The following MYO15A variants were observed in gnomAD, a reference collection of about 807,000 sequenced individuals.
MYO15A encodes unconventional myosin-XV.
Under a neutral mutation model 394.6 loss-of-function variants are expected in MYO15A, and 308 were observed. That is an observed-to-expected ratio of 0.78 (90% CI 0.71 to 0.86). The LOEUF is 0.86. Ranked by LOEUF, MYO15A falls within the 40% of genes least tolerant of loss-of-function variation. The pLI is 0.00. For synonymous variants in MYO15A, 1,957 were observed against 2,003.8 expected, an observed-to-expected ratio of 0.98 and a Z score of 0.62; for missense variants, 4,606 against 4,799.1, an observed-to-expected ratio of 0.96 and a Z score of 1.19.
Position 18,122,130 on chromosome 17 carries a change from C to T in MYO15A, c.3330C>T (p.Ala1110=). The T allele has an allele frequency of 6.2e-7, 1 of 1,613,012 alleles. No individual in the cohort carries two copies. The highest frequency in any genetic ancestry group is 8.5e-7 in the Non-Finnish European group (1 of 1,180,014). ...AGGGGGGTGAACGGCGCCAGGCAGC[C>T]CCTGGGCGTTTTGCTGTGGTCATGC... ...LPKGGERRQA[A]PGRFAVVMPR... Residue 1110 remains alanine, a synonymous_variant, in exon 2 of 66, where the codon GCC becomes GCT. Coordinates refer to ENST00000647165, the MANE Select transcript of MYO15A (RefSeq NM_016239.4).
Position 18,159,941 on chromosome 17 carries a change from G to A in MYO15A, c.9310G>A (p.Gly3104Arg), listed in dbSNP as rs781537466. The A allele has an allele frequency of 2.5e-5, 41 of 1,613,934 alleles. No homozygotes were observed. Among genetic ancestry groups the A allele is most frequent in the Admixed American group, 1.8e-4 (11 of 59,988 alleles). The change falls in exon 56 of 66, where the codon GGG (glycine) becomes AGG (arginine). Residue 3104 changes from glycine to arginine, a missense_variant. Gly to Arg is a moderately radical substitution (Grantham distance 125). Coordinates refer to ENST00000647165, the MANE Select transcript of MYO15A (RefSeq NM_016239.4). The part of the protein sequence containing the change: ...DVLCNLLKLC[G>R]DHEVMRDECY... ...CCTCCCTGCCCCCCTTCAGCTGTGC[G>A]GGGACCATGAGGTCATGCGGGATGA...
intron 12 of MYO15A, among the ~76,000 whole-genome samples, chr17:18,134,929 G>A (rs2046236317): frequency 6.6e-6 from 1 of 151,728 alleles, no homozygotes; most frequent in African/African-American, 2.4e-5. Flanking sequence ...GGCTCAGGCT[G>A]GAGTACAGTG....
At position 18,118,690 on chromosome 17, in the gene MYO15A, C is replaced by T. The variant is rs892121690; in HGVS notation, c.-111C>T. The T allele has an allele frequency of 4.5e-6, 7 of 1,554,114 alleles. No individual in the cohort carries two copies. The South Asian group carries it at 5.9e-5, about 13-fold the overall frequency. ...GGGCCAGTCGGGTCTGCTCACAGCC[C>T]GAGGAGGCCGCGTGTCCAGCCGCGG... On this transcript the variant is annotated 5_prime_UTR_variant, in exon 2 of 66. The change creates a premature stop within an existing upstream ORF in the 5' untranslated region. Transcript: ENST00000647165.
At chr17:18,126,943 G>A in intron 6 of MYO15A, 78 bp downstream of exon 6, 2 of 1,600,706 alleles carry the variant, frequency 1.2e-6, no homozygotes, top group Non-Finnish European at 1.7e-6. Flanking sequence ...AACTGCTGTG[G>A]GACCTTGGAA....
In MYO15A at chr17:18,159,332, A is replaced by C; in HGVS notation, c.9214A>C (p.Thr3072Pro). ...LSDSSLSKMATDMFLAVMRFM... is the reference protein window; with the variant it reads ...LSDSSLSKMAPDMFLAVMRFM... ...CGACAGCAGCCTCAGCAAGATGGCCACCGACATGTTCCTAGGTGTGGGAGT... is the reference window on the plus strand; with the variant it reads ...CGACAGCAGCCTCAGCAAGATGGCCCCCGACATGTTCCTAGGTGTGGGAGT... The change falls in exon 54 of 66, where the codon ACC becomes CCC. Residue 3072 changes from threonine (T) to proline (P), a missense_variant. By Grantham distance (38) the Thr-to-Pro change is conservative. Transcript: ENST00000647165. The C allele has an allele frequency of 6.2e-7, 1 of 1,614,158 alleles. No individual in the cohort carries two copies. The highest frequency in any genetic ancestry group is 8.5e-7 in the Non-Finnish European group (1 of 1,180,028).
chr17:18,111,238 G>A (rs921776976), intron 1 of MYO15A, among the ~76,000 whole-genome samples: 4 of 151,808 alleles, frequency 2.6e-5, no homozygotes, highest in Admixed American at 1.3e-4. Flanking sequence ...GGGCAGCTGA[G>A]GTGGGAGGAT....
At chr17:18,139,800 C>T (rs1372827994) in intron 19 of MYO15A, among the ~76,000 whole-genome samples, 189 bp downstream of exon 19, 1 of 152,224 alleles carries the variant, frequency 6.6e-6, no homozygotes, top group Non-Finnish European at 1.5e-5. Context: ...CCGCCCTAAA[C>T]CTAGCGCCTC....
In MYO15A at chr17:18,131,232, A is replaced by T; in HGVS notation, c.4039-7A>T. 1 of 1,612,568 alleles carries T rather than the reference A, an allele frequency of 6.2e-7. No individual in the cohort carries two copies. Among genetic ancestry groups the T allele is most frequent in the Non-Finnish European group, 8.5e-7 (1 of 1,178,886 alleles). ...CCTCAATTCCCACATCTCCTTCTGG[A>T]GTCCAGATCCTGGAGGCAACACCCC... is the stretch of plus-strand genomic sequence containing the variant. On this transcript the variant is annotated splice_region_variant and splice_polypyrimidine_tract_variant and intron_variant, in intron 8 of 65. Coordinates refer to ENST00000647165, the MANE Select transcript of MYO15A (RefSeq NM_016239.4).
intron 9 of MYO15A, 58 bp downstream of exon 9, chr17:18,131,400 C>T (rs553559460): frequency 6.2e-7 from 1 of 1,612,742 alleles, no homozygotes; most frequent in Admixed American, 1.7e-5. Flanking sequence ...CATGTCCTGC[C>T]ACAGCCCCTC....
chr17:18,162,625 G>A lies in MYO15A; in HGVS notation c.9558G>A (p.Leu3186=). ...GCGAGCAGAACCTGCAGAAAACCTTGCGCTTCGGAGGTCGTCTGGAGCTCC... is the reference window on the plus strand; with the variant it reads ...GCGAGCAGAACCTGCAGAAAACCTTACGCTTCGGAGGTCGTCTGGAGCTCC... The part of the protein sequence containing the change: ...KACEQNLQKT[L]RFGGRLELPS... Residue 3186 remains leucine (L), a synonymous_variant, in exon 58 of 66, where the codon TTG becomes TTA. Coordinates refer to ENST00000647165, the MANE Select transcript of MYO15A (RefSeq NM_016239.4). The A allele has an allele frequency of 1.2e-6, 2 of 1,614,094 alleles. No individual in the cohort carries two copies. Among genetic ancestry groups the A allele is most frequent in the Non-Finnish European group, 1.7e-6 (2 of 1,180,000 alleles).
intron 3 of MYO15A, 107 bp from the exon 4 acceptor site, chr17:18,125,061 C>T: frequency 9.3e-7 from 1 of 1,074,220 alleles, no homozygotes; most frequent in Non-Finnish European, 1.5e-6. Flanking sequence ...AGAAACAGGA[C>T]TTGAATTCAG....
At chr17:18,175,264 TTTTCTGGTC>T in intron 65 of MYO15A, among the ~76,000 whole-genome samples, 1 of 147,886 alleles carries the variant, frequency 6.8e-6, no homozygotes, top group South Asian at 2.1e-4. Context: ...TCTTTGGTTC[TTTTCTGGTC>T]TTTCCTCCTC....
chr17:18,149,759 T>C, intron 35 of MYO15A, 179 bp downstream of exon 35: 1 of 683,416 alleles, frequency 1.5e-6, no homozygotes, highest in Non-Finnish European at 2.6e-6. Context: ...CAGCTAGAGA[T>C]GCTCTTGGCT....
rs141638997 is a variant in MYO15A at position 18,162,559 on chromosome 17, G to A, written c.9518-26G>A. 3.9e-5 allele frequency: 62 copies of A among 1,610,278 alleles called. 1 individual carries two copies. In the Admixed American group the frequency reaches 5.0e-4, roughly 13 times the overall value. The stretch of plus-strand genomic sequence containing the variant: ...CTTTCTCCCACAGTCCACCTTGGGC[G>A]AGGCCTGAACTCCCTGCTTCTGCAG... On this transcript the variant is annotated intron_variant, in intron 57 of 65. Coordinates refer to ENST00000647165, the MANE Select transcript of MYO15A (RefSeq NM_016239.4).
At chr17:18,164,685 A>G (rs1472418642) in intron 60 of MYO15A, 1 of 151,632 alleles carries the variant, frequency 6.6e-6, no homozygotes, top group Non-Finnish European at 1.5e-5. Flanking sequence ...ACTAAAAATT[A>G]GCCAACCATG....
At chr17:18,124,187 G>A in intron 2 of MYO15A, 2 of 456,924 alleles carry the variant, frequency 4.4e-6, no homozygotes, top group Non-Finnish European at 8.2e-6. Context: ...GGAGGGAGCT[G>A]GCCCATGCGC....
intron 64 of MYO15A, chr17:18,172,855 A>G: frequency 5.5e-6 from 1 of 180,588 alleles, no homozygotes; most frequent in South Asian, 1.1e-4. Flanking sequence ...ATTTCTAAAT[A>G]CATTCTGAGG....
intron 13 of MYO15A, 109 bp from the exon 14 acceptor site, chr17:18,136,308 C>A: frequency 7.4e-7 from 1 of 1,355,218 alleles, no homozygotes; most frequent in Non-Finnish European, 1.0e-6. Context: ...ACAGTCACAA[C>A]ATCCCTCCAG....
chr17:18,169,970 CAAAAAA>C (rs202026399), intron 62 of MYO15A, among the ~76,000 whole-genome samples: 8 of 59,774 alleles, frequency 1.3e-4, no homozygotes, highest in Non-Finnish European at 2.5e-4. Context: ...GACCCTGTCT[CAAAAAA>C]AAAAAAAAAA....
Sources: allele counts gnomAD v4.1 joint callset (sites outside exome capture counted in the v4.1 genomes callset), GRCh38; gene constraint gnomAD v4.1.1; transcripts MANE v1.5; gene names NCBI Gene and HGNC (gene_info 2026-07-23, HGNC 2026-07-21).